NEMP2: variants seen among roughly 807,000 people sequenced by gnomAD.
NEMP2 encodes the protein nuclear envelope integral membrane protein 2, also known as UPF0571 transmembrane protein.
NEMP2 carries 53 observed loss-of-function variants against 54.2 expected under a neutral mutation model. The ratio of observed to expected loss-of-function variants is 0.98; its 90% CI spans 0.78 to 1.23. The LOEUF (loss-of-function observed/expected upper bound fraction) is 1.23. Ranked by LOEUF, NEMP2 falls within the 50% of genes most tolerant of loss-of-function variation. The pLI is 0.00. For synonymous variants in NEMP2, 197 were observed against 190.3 expected (o/e 1.04, Z -0.29); for missense variants, 455 against 511.3 (o/e 0.89, Z 1.06).
At chr2:190,561,205 C>T in the NEMP2 span, among the ~76,000 whole-genome samples, 2 of 152,116 alleles carry the variant, frequency 1.3e-5, no homozygotes, top group African/African-American at 4.8e-5. This position sits in a 1 kb window ranked among gnomAD's most constrained non-coding sequence, Gnocchi z 5.4. Context: ...CAAACAGGCC[C>T]TTCTTCTCCA....
At chr2:190,450,851 G>A in the NEMP2 span, among the ~76,000 whole-genome samples, 2 of 152,114 alleles carry the variant, frequency 1.3e-5, no homozygotes, top group Non-Finnish European at 2.9e-5. Flanking sequence ...TGACATTATT[G>A]AAAAGAAGAA....
chr2:190,534,735 C>A, upstream of NEMP2: 1 of 1,085,266 alleles, frequency 9.2e-7, no homozygotes, highest in Non-Finnish European at 1.2e-6. Context: ...CGCGGGGGCT[C>A]AGAGAAGGCG....
upstream of NEMP2, chr2:190,534,738 A>C: frequency 9.5e-7 from 1 of 1,056,424 alleles, no homozygotes; most frequent in Non-Finnish European, 1.2e-6. Flanking sequence ...GGGGGCTCAG[A>C]GAAGGCGGAG....
the NEMP2 span, among the ~76,000 whole-genome samples, chr2:190,560,921 AC>A: frequency 6.6e-6 from 1 of 152,242 alleles, no homozygotes; most frequent in African/African-American, 2.4e-5. This position sits in a 1 kb window ranked among gnomAD's most constrained non-coding sequence, Gnocchi z 5.4. Context: ...ATTTGTTGGT[AC>A]AATATCATTA....
the NEMP2 span, among the ~76,000 whole-genome samples, chr2:190,590,767 G>C: frequency 2.0e-5 from 3 of 152,150 alleles, no homozygotes; most frequent in African/African-American, 7.2e-5. The surrounding 1 kb of genome is among the most constrained non-coding windows in gnomAD (Gnocchi z 5.1). Flanking sequence ...TGGTTCATCT[G>C]CTAACTGTTG....
In NEMP2 at chr2:190,514,449, A is replaced by C; in HGVS notation, c.953+4T>G. ...ATTTGCTGGGGGAAAAAAATGATAC[A>C]TACCACCTCATATAACTGCATGCTC... On this transcript the variant is annotated splice_donor_region_variant and intron_variant, in intron 7 of 8. Transcript: ENST00000409150. The surrounding 1 kb of genome is among the most constrained non-coding windows in gnomAD (Gnocchi z 5.7). 6.5e-7 allele frequency: 1 copy of C among 1,550,012 alleles called. No homozygotes were observed.
At chr2:190,573,952 A>G in the NEMP2 span, among the ~76,000 whole-genome samples, 18 of 152,310 alleles carry the variant, frequency 1.2e-4, no homozygotes, top group East Asian at 2.5e-3. Flanking sequence ...AAAAACCTCC[A>G]TTTTATAAGG....
the NEMP2 span, among the ~76,000 whole-genome samples, chr2:190,595,894 A>T: frequency 1.3e-5 from 2 of 152,262 alleles, no homozygotes; most frequent in African/African-American, 4.8e-5. This position sits in a 1 kb window ranked among gnomAD's most constrained non-coding sequence, Gnocchi z 4.0. Flanking sequence ...CAATCTCATT[A>T]GTGGGTATAA....
At chr2:190,477,042 TG>T in the NEMP2 span, 2 of 108,928 alleles carry the variant, frequency 1.8e-5, no homozygotes, top group Non-Finnish European at 3.4e-5. Context: ...CATCACACAC[TG>T]GGGACTCTTG....
chr2:190,571,754 A>C, the NEMP2 span, among the ~76,000 whole-genome samples: 1 of 152,158 alleles, frequency 6.6e-6, no homozygotes, highest in African/African-American at 2.4e-5. Context: ...AAGGGAAAGG[A>C]GTTGGCATTG....
At chr2:190,551,721 T>C in the NEMP2 span, among the ~76,000 whole-genome samples, 2 of 152,264 alleles carry the variant, frequency 1.3e-5, no homozygotes, top group South Asian at 2.1e-4. Context: ...AATACTTTTC[T>C]GTTTTAAATT....
the NEMP2 span, among the ~76,000 whole-genome samples, chr2:190,571,498 C>T: frequency 4.6e-5 from 7 of 152,028 alleles, no homozygotes; most frequent in Admixed American, 6.5e-5. Flanking sequence ...AGCCAAGATC[C>T]CGCCACTGCA....
the NEMP2 span, chr2:190,497,769 T>G: frequency 6.5e-7 from 1 of 1,544,930 alleles, no homozygotes. This position sits in a 1 kb window ranked among gnomAD's most constrained non-coding sequence, Gnocchi z 5.2. Flanking sequence ...TCAAGATACC[T>G]TAACTGGGCT....
At chr2:190,448,406 G>A in the NEMP2 span, among the ~76,000 whole-genome samples, 18 of 152,246 alleles carry the variant, frequency 1.2e-4, no homozygotes, top group South Asian at 3.5e-3. Context: ...AAGAGAAACA[G>A]TCTAAATAGC....
the NEMP2 span, among the ~76,000 whole-genome samples, chr2:190,474,243 C>T: frequency 6.6e-6 from 1 of 151,916 alleles, no homozygotes; most frequent in Non-Finnish European, 1.5e-5. Context: ...AATAGAGACA[C>T]AAAAAACCCT....
chr2:190,644,067 A>T, the NEMP2 span, among the ~76,000 whole-genome samples: 1 of 152,216 alleles, frequency 6.6e-6, no homozygotes, highest in Non-Finnish European at 1.5e-5. This position sits in a 1 kb window ranked among gnomAD's most constrained non-coding sequence, Gnocchi z 4.4. Flanking sequence ...GCCTCAATGG[A>T]AGATAACCAT....
At chr2:190,567,066 G>A in the NEMP2 span, among the ~76,000 whole-genome samples, 1 of 152,012 alleles carries the variant, frequency 6.6e-6, no homozygotes, top group Non-Finnish European at 1.5e-5. The surrounding 1 kb of genome is among the most constrained non-coding windows in gnomAD (Gnocchi z 4.0). Flanking sequence ...GAAAAATACT[G>A]TTTAAATGCT....
the NEMP2 span, among the ~76,000 whole-genome samples, chr2:190,605,289 A>T: frequency 8.9e-6 from 1 of 112,008 alleles, no homozygotes; most frequent in South Asian, 3.1e-4. Context: ...TGCCCGCCCC[A>T]CTATTCCCTG....
chr2:190,572,873 A>ATATATATATATGTATG, the NEMP2 span, among the ~76,000 whole-genome samples: 1 of 110,322 alleles, frequency 9.1e-6, no homozygotes, highest in South Asian at 3.0e-4. Context: ...ATATATATAT[A>ATATATATATATGTATG]TATGTATATA....
Sources: allele counts gnomAD v4.1 joint callset (sites outside exome capture counted in the v4.1 genomes callset), GRCh38; gene constraint gnomAD v4.1.1; non-coding constraint Gnocchi (gnomAD v3.1); transcripts MANE v1.5; gene names NCBI Gene and HGNC (gene_info 2026-07-23, HGNC 2026-07-21).